NRG2: variants seen among roughly 807,000 people sequenced by gnomAD.
The protein encoded by NRG2 is pro-neuregulin-2, membrane-bound isoform.
Under a neutral mutation model 73.9 loss-of-function variants are expected in NRG2, and 27 were observed. That is an observed-to-expected ratio of 0.37 (90% CI 0.27 to 0.50). The LOEUF (loss-of-function observed/expected upper bound fraction) is 0.50. Among genes scored for constraint, NRG2 ranks in the 20% least tolerant of loss-of-function variants. The pLI is 0.96. For synonymous variants in NRG2, 532 were observed against 541.0 expected, an observed-to-expected ratio of 0.98 and a Z score of 0.23; for missense variants, 1,126 against 1,210.1, an observed-to-expected ratio of 0.93 and a Z score of 1.03.
intron 9 of NRG2, among the ~76,000 whole-genome samples, chr5:139,850,838 C>A (rs1054896044): frequency 6.6e-6 from 1 of 152,192 alleles, no homozygotes; most frequent in South Asian, 2.1e-4. Context: ...TCTTGGCTCA[C>A]GTCCATCTTG....
chr5:139,944,965 C>G (rs766835837), intron 1 of NRG2, among the ~76,000 whole-genome samples: 3 of 151,928 alleles, frequency 2.0e-5, no homozygotes, highest in Non-Finnish European at 4.4e-5. Context: ...TGAGATGATA[C>G]CTCATTGTGG....
chr5:139,951,693 C>G (rs920570687), intron 1 of NRG2, among the ~76,000 whole-genome samples: 1 of 152,254 alleles, frequency 6.6e-6, no homozygotes, highest in Non-Finnish European at 1.5e-5. Context: ...GCTTTCTCAA[C>G]TCCTAATTGT....
chr5:139,864,732 T>A (rs1323118386), intron 5 of NRG2, among the ~76,000 whole-genome samples: 1 of 149,530 alleles, frequency 6.7e-6, no homozygotes, highest in Non-Finnish European at 1.5e-5. Flanking sequence ...TTCTGAGAAC[T>A]TTTTTTCTCT....
chr5:139,992,780 C>T (rs1056838378), intron 1 of NRG2, among the ~76,000 whole-genome samples: 12 of 152,236 alleles, frequency 7.9e-5, no homozygotes, highest in Non-Finnish European at 1.0e-4. Context: ...AAAAGCCTCA[C>T]GTGTGTCCCT....
rs193271384 is a variant in NRG2, at chr5:139,879,023, C to T, written c.991+1833G>A. Reference sequence around the variant, plus strand: ...TCAAAGACTAAGTGTTTGCCAACTACTTTTACATCGTACAGCTCTATCATT... The same window carrying T: ...TCAAAGACTAAGTGTTTGCCAACTATTTTTACATCGTACAGCTCTATCATT... On this transcript the variant is annotated intron_variant, in intron 3 of 9. Transcript: ENST00000361474. Among the ~76,000 whole-genome samples the T allele has an allele frequency of 1.1e-3, 174 of 152,304 alleles. 1 individual carries two copies. Among genetic ancestry groups the T allele is most frequent in the Middle Eastern group, 3.4e-3 (1 of 294 alleles).
At chr5:140,031,230 A>AG (rs1199153039) in intron 1 of NRG2, among the ~76,000 whole-genome samples, 3 of 152,244 alleles carry the variant, frequency 2.0e-5, no homozygotes, top group Non-Finnish European at 2.9e-5. Context: ...TTCTATCAGC[A>AG]GGCCTAAGCA....
At chr5:139,900,667 AGAG>A (rs1561666440) in intron 1 of NRG2, among the ~76,000 whole-genome samples, 1 of 152,216 alleles carries the variant, frequency 6.6e-6, no homozygotes, top group East Asian at 1.9e-4. Context: ...GCTGGAGAAC[AGAG>A]GAGGGCTAGT....
chr5:140,033,508 G>A (rs1761297989), intron 1 of NRG2, among the ~76,000 whole-genome samples: 1 of 152,160 alleles, frequency 6.6e-6, no homozygotes, highest in Non-Finnish European at 1.5e-5. Context: ...ACGTACCCAT[G>A]AGCACATCAA....
chr5:140,037,442 A>G (rs1166739890), intron 1 of NRG2, among the ~76,000 whole-genome samples: 2 of 152,210 alleles, frequency 1.3e-5, no homozygotes, highest in Non-Finnish European at 2.9e-5. Flanking sequence ...TAAGGTATTG[A>G]GGAGAAAAGA....
At chr5:139,961,797 A>C (rs1199431209) in intron 1 of NRG2, among the ~76,000 whole-genome samples, 2 of 152,174 alleles carry the variant, frequency 1.3e-5, no homozygotes, top group Non-Finnish European at 2.9e-5. Context: ...CAGGCTCCTA[A>C]AGGAAGAGGT....
At chr5:139,873,762 G>A (rs1763005635) in intron 3 of NRG2, among the ~76,000 whole-genome samples, 1 of 152,274 alleles carries the variant, frequency 6.6e-6, no homozygotes, top group African/African-American at 2.4e-5. Flanking sequence ...TTTCACCCCA[G>A]TCGAGTGAGC....
At chr5:140,018,094 C>T (rs1157548943) in intron 1 of NRG2, among the ~76,000 whole-genome samples, 4 of 152,078 alleles carry the variant, frequency 2.6e-5, no homozygotes, top group African/African-American at 4.8e-5. Context: ...TCTACAGGCC[C>T]ATGTGTTCTT....
chr5:139,985,744 C>T (rs1400181405), intron 1 of NRG2, among the ~76,000 whole-genome samples: 1 of 152,210 alleles, frequency 6.6e-6, no homozygotes, highest in East Asian at 1.9e-4. Context: ...GCCAAGCCCC[C>T]TCTCCTCGAG....
intron 3 of NRG2, 41 bp downstream of exon 3, chr5:139,880,814 CA>C: frequency 6.4e-7 from 1 of 1,554,320 alleles, no homozygotes; most frequent in Non-Finnish European, 8.8e-7. Context: ...CCCGCCCTGC[CA>C]AACCCCTCTA....
chr5:139,895,535 A>G (rs1404690450), intron 1 of NRG2, among the ~76,000 whole-genome samples: 1 of 152,202 alleles, frequency 6.6e-6, no homozygotes, highest in African/African-American at 2.4e-5. Context: ...GCACAGAGGA[A>G]GCAGAGCAGG....
At chr5:139,900,491 G>T (rs2127166621) in intron 1 of NRG2, among the ~76,000 whole-genome samples, 1 of 152,380 alleles carries the variant, frequency 6.6e-6, no homozygotes, top group African/African-American at 2.4e-5. Context: ...TACAAAGGGT[G>T]TGCTACTGGC....
chr5:139,880,920 A>G lies in NRG2; in HGVS notation c.927T>C (p.Tyr309=). The G allele has an allele frequency of 6.2e-7, 1 of 1,614,134 alleles. No individual in the cohort carries two copies. Residue 309 remains tyrosine (Y), a synonymous_variant, in exon 3 of 10, where the codon TAT becomes TAC. Coordinates refer to ENST00000361474, the MANE Select transcript of NRG2 (RefSeq NM_004883.3). ...CCAGGATGTTCTCGGCCTCGCAGAC[A>G]TACTCCCCAGCGTCCTCCACCTTCA... ...NKVKVEDAGE[Y]VCEAENILGK...
chr5:139,941,350 C>A (rs555880770), intron 1 of NRG2, among the ~76,000 whole-genome samples: 1 of 148,546 alleles, frequency 6.7e-6, no homozygotes, highest in South Asian at 2.1e-4. Flanking sequence ...GTAATACAGG[C>A]CTATTAATGA....
intron 1 of NRG2, among the ~76,000 whole-genome samples, chr5:139,976,279 C>T (rs1756378345): frequency 6.6e-6 from 1 of 152,178 alleles, no homozygotes; most frequent in African/African-American, 2.4e-5. Context: ...TTGTGCTCCT[C>T]AAAGAATGGG....
Sources: allele counts gnomAD v4.1 joint callset (sites outside exome capture counted in the v4.1 genomes callset), GRCh38; gene constraint gnomAD v4.1.1; transcripts MANE v1.5; gene names NCBI Gene and HGNC (gene_info 2026-07-23, HGNC 2026-07-21).